Variants in PLCXD3 observed in about 807,000 individuals in gnomAD.
The protein encoded by PLCXD3 is phosphatidylinositol specific phospholipase C X domain containing 3.
A neutral mutation model predicts 25.5 loss-of-function variants in PLCXD3; 19 were observed. That is an observed-to-expected ratio of 0.75 (90% CI 0.52 to 1.09). The LOEUF is 1.09. PLCXD3 is among the 50% of genes least tolerant of loss of function. The pLI, the probability that PLCXD3 is intolerant of heterozygous loss-of-function variation, is 0.00. For synonymous variants in PLCXD3, 174 were observed against 137.6 expected (o/e 1.26, Z -1.85); for missense variants, 411 against 388.1 (o/e 1.06, Z -0.50).
Position 41,312,655 on chromosome 5 carries a change from C to T in PLCXD3, c.*962G>A. Reference sequence around the variant, plus strand: ...CCTTCTGTCCTTCCCTCCCTTCTTCCCTCCCTTCCTCCCTCCCTTCCTTTC... The same window carrying T: ...CCTTCTGTCCTTCCCTCCCTTCTTCTCTCCCTTCCTCCCTCCCTTCCTTTC... On this transcript the variant is annotated 3_prime_UTR_variant, in exon 3 of 3. Coordinates refer to ENST00000377801, the MANE Select transcript of PLCXD3 (RefSeq NM_001005473.3). 7.1e-6 allele frequency: 1 copy of T among 141,490 alleles called. No individual in the cohort carries two copies. Among genetic ancestry groups the T allele is most frequent in the African/African-American group, 2.6e-5 (1 of 38,054 alleles). 8.8% of individuals were successfully genotyped at this position (141,490 alleles called of 1,614,324 possible).
At chr5:41,505,219 G>C (rs1347818806) in intron 1 of PLCXD3, among the ~76,000 whole-genome samples, 2 of 151,650 alleles carry the variant, frequency 1.3e-5, no homozygotes, top group African/African-American at 4.9e-5. Flanking sequence ...GTGTGTGAGT[G>C]TGTGTGCATG....
chr5:41,501,166 G>A (rs2111581046), intron 1 of PLCXD3, among the ~76,000 whole-genome samples: 1 of 152,122 alleles, frequency 6.6e-6, no homozygotes, highest in East Asian at 1.9e-4. Context: ...AAATTTTAAA[G>A]ATAGAACTAC....
intron 2 of PLCXD3, among the ~76,000 whole-genome samples, chr5:41,318,831 A>G (rs1263874212): frequency 6.6e-6 from 1 of 152,144 alleles, no homozygotes; most frequent in African/African-American, 2.4e-5. Context: ...ACAAGACCCA[A>G]TGATCTATTG....
chr5:41,379,254 C>G (rs1745384323), intron 2 of PLCXD3, among the ~76,000 whole-genome samples: 1 of 152,144 alleles, frequency 6.6e-6, no homozygotes, highest in East Asian at 1.9e-4. Flanking sequence ...CTGTGGGATA[C>G]AGTTAAAAAT....
chr5:41,364,099 G>C (rs555953858), intron 2 of PLCXD3, among the ~76,000 whole-genome samples: 7 of 152,184 alleles, frequency 4.6e-5, no homozygotes, highest in Non-Finnish European at 8.8e-5. Context: ...ATGGGGGGAG[G>C]GCATTTGGCA....
At chr5:41,415,635 G>T (rs1435135681) in intron 1 of PLCXD3, among the ~76,000 whole-genome samples, 2 of 152,076 alleles carry the variant, frequency 1.3e-5, no homozygotes, top group African/African-American at 4.8e-5. Context: ...CATTTAGTAG[G>T]TAAATAGGTT....
At chr5:41,491,926 CCATTTA>C (rs1297592197) in intron 1 of PLCXD3, among the ~76,000 whole-genome samples, 1 of 152,114 alleles carries the variant, frequency 6.6e-6, no homozygotes, top group Non-Finnish European at 1.5e-5. Flanking sequence ...AGTATTTAGT[CCATTTA>C]CATTTAAAGT....
At chr5:41,335,412 C>G (rs1429892684) in intron 2 of PLCXD3, among the ~76,000 whole-genome samples, 1 of 152,068 alleles carries the variant, frequency 6.6e-6, no homozygotes, top group African/African-American at 2.4e-5. Flanking sequence ...AATCAATTAC[C>G]CTTAATCCAT....
chr5:41,407,391 A>G (rs1170701706), intron 1 of PLCXD3, among the ~76,000 whole-genome samples: 1 of 152,226 alleles, frequency 6.6e-6, no homozygotes, highest in East Asian at 1.9e-4. Context: ...ACAAGAAAAA[A>G]AAATTTCAAA....
At chr5:41,467,655 T>C (rs1748048445) in intron 1 of PLCXD3, among the ~76,000 whole-genome samples, 1 of 152,180 alleles carries the variant, frequency 6.6e-6, no homozygotes, top group African/African-American at 2.4e-5. Context: ...ATGAATATTT[T>C]CTCCTATGTT....
Position 41,510,561 on chromosome 5 carries a change from A to C in PLCXD3, c.-35T>G, listed in dbSNP as rs1270653430. On this transcript the variant is annotated 5_prime_UTR_variant, in exon 1 of 3. Transcript: ENST00000377801. ...CGGCGTGCAGCGCGCTGGTCCCAGCACTCCTCGGGCAGGCTGGCAGGCTGC... is the reference window on the plus strand; with the variant it reads ...CGGCGTGCAGCGCGCTGGTCCCAGCCCTCCTCGGGCAGGCTGGCAGGCTGC... 70 of 1,565,362 alleles carry C rather than the reference A, an allele frequency of 4.5e-5. No homozygotes were observed. The highest frequency in any genetic ancestry group is 6.0e-5 in the Non-Finnish European group (68 of 1,140,292).
At chr5:41,492,069 G>A (rs1430828852) in intron 1 of PLCXD3, among the ~76,000 whole-genome samples, 1 of 152,294 alleles carries the variant, frequency 6.6e-6, no homozygotes, top group East Asian at 1.9e-4. Flanking sequence ...GCAGTGGCTG[G>A]TACTGGTTGT....
chr5:41,414,900 A>AAAGAG (rs1224417120), intron 1 of PLCXD3, among the ~76,000 whole-genome samples: 1 of 152,062 alleles, frequency 6.6e-6, no homozygotes, highest in Non-Finnish European at 1.5e-5. Flanking sequence ...TGTTTAAATA[A>AAAGAG]CTCTTATTTT....
At chr5:41,322,971 TAAA>T (rs57326151) in intron 2 of PLCXD3, among the ~76,000 whole-genome samples, 10 of 139,436 alleles carry the variant, frequency 7.2e-5, no homozygotes, top group Non-Finnish European at 4.7e-5. Context: ...AGACTCTGTC[TAAA>T]AAAAAAAAAA....
chr5:41,372,115 G>T (rs778402019), intron 2 of PLCXD3, among the ~76,000 whole-genome samples: 2 of 151,844 alleles, frequency 1.3e-5, no homozygotes, highest in Non-Finnish European at 2.9e-5. Context: ...TTTTGTGAGT[G>T]CTAGCTATAC....
intron 1 of PLCXD3, among the ~76,000 whole-genome samples, chr5:41,457,996 C>A (rs1747792693): frequency 6.6e-6 from 1 of 151,784 alleles, no homozygotes; most frequent in African/African-American, 2.4e-5. Context: ...AATAGAAGCA[C>A]CAAGTTTAAC....
chr5:41,502,787 A>T (rs1748979263), intron 1 of PLCXD3, among the ~76,000 whole-genome samples: 1 of 152,196 alleles, frequency 6.6e-6, no homozygotes, highest in Non-Finnish European at 1.5e-5. Flanking sequence ...CCAGGTACGT[A>T]GGACAGAAAA....
chr5:41,508,077 G>A (rs193293618), intron 1 of PLCXD3, among the ~76,000 whole-genome samples: 12 of 152,268 alleles, frequency 7.9e-5, no homozygotes, highest in African/African-American at 2.2e-4. Flanking sequence ...GATGAAAAAT[G>A]TTGGTCTATT....
chr5:41,355,954 A>AT (rs1744605463), intron 2 of PLCXD3, among the ~76,000 whole-genome samples: 1 of 152,048 alleles, frequency 6.6e-6, no homozygotes, highest in African/African-American at 2.4e-5. Context: ...ATATGAAATG[A>AT]TTTTTTATAC....
Sources: allele counts gnomAD v4.1 joint callset (sites outside exome capture counted in the v4.1 genomes callset), GRCh38; gene constraint gnomAD v4.1.1; transcripts MANE v1.5; gene names NCBI Gene and HGNC (gene_info 2026-07-23, HGNC 2026-07-21).